Variants in ASCL5 observed in about 807,000 individuals in gnomAD.
ASCL5 encodes achaete-scute family bHLH transcription factor 5.
For missense variants in ASCL5, 262 were observed against 268.9 expected, an observed-to-expected ratio of 0.97 and a Z score of 0.18; for synonymous variants, 124 against 131.5, an observed-to-expected ratio of 0.94 and a Z score of 0.39.
At chr1:201,122,592 G>T (rs1663503786) in intron 1 of ASCL5, among the ~76,000 whole-genome samples, 1 of 152,166 alleles carries the variant, frequency 6.6e-6, no homozygotes, top group Admixed American at 6.5e-5. Flanking sequence ...GGGTCTCATT[G>T]GGTTGATATG....
At chr1:201,121,439 G>A (rs1663457585) in intron 1 of ASCL5, among the ~76,000 whole-genome samples, 1 of 152,134 alleles carries the variant, frequency 6.6e-6, no homozygotes, top group Admixed American at 6.5e-5. Flanking sequence ...TTCTAGTCTT[G>A]TTTAAGTCTT....
chr1:201,118,339 G>A (rs572240106), intron 1 of ASCL5, among the ~76,000 whole-genome samples: 379 of 152,192 alleles, frequency 2.5e-3, no homozygotes, highest in Non-Finnish European at 3.6e-3. Flanking sequence ...AAATTAGCAG[G>A]GTTTGGTGGC....
At chr1:201,123,957 T>C (rs752450930) in intron 1 of ASCL5, among the ~76,000 whole-genome samples, 61 of 152,274 alleles carry the variant, frequency 4.0e-4, no homozygotes, top group Non-Finnish European at 6.9e-4. Context: ...CTGGCCAAAA[T>C]TGTGACTAGG....
chr1:201,115,223 G>A lies in ASCL5; in HGVS notation c.150C>T (p.Gly50=). ...CGTCGTAGTAGGGCGGCTCTGCTGG[G>A]CCCGGGTACAGCAGGAAGGGCACGT... is the stretch of plus-strand genomic sequence containing the variant. The part of the protein sequence containing the change: ...LGNVPFLLYP[G]PAEPPYYDAY... Residue 50 remains glycine, a synonymous_variant, in exon 2 of 2, where the codon GGC becomes GGT. Transcript: ENST00000449188. The A allele has an allele frequency of 8.1e-7, 1 of 1,231,558 alleles. No individual in the cohort carries two copies. The highest frequency in any genetic ancestry group is 1.0e-6 in the Non-Finnish European group (1 of 987,894). The allele number at this position is 1,231,558 out of a possible 1,614,324, so 76.3% of individuals were successfully genotyped here.
intron 1 of ASCL5, among the ~76,000 whole-genome samples, chr1:201,118,613 A>G (rs557000827): frequency 1.3e-5 from 2 of 152,328 alleles, no homozygotes; most frequent in East Asian, 1.9e-4. Flanking sequence ...AGTGTAGCAT[A>G]TGACCATTAA....
chr1:201,121,752 G>T (rs551713175), intron 1 of ASCL5, among the ~76,000 whole-genome samples: 130 of 152,062 alleles, frequency 8.5e-4, no homozygotes, highest in African/African-American at 3.0e-3. Context: ...GATCAGTTGA[G>T]CTCAGGAGGT....
At chr1:201,117,922 C>T (rs1351808778) in intron 1 of ASCL5, among the ~76,000 whole-genome samples, 1 of 152,142 alleles carries the variant, frequency 6.6e-6, no homozygotes, top group Admixed American at 6.5e-5. Flanking sequence ...ATTTGGGATC[C>T]AGACTACACT....
Position 201,115,330 on chromosome 1 carries a change from G to C in ASCL5, c.43C>G (p.Leu15Val). Reference protein sequence around the residue: ...FCRALVDRRPLGPPSCMQLGV... With the variant: ...FCRALVDRRPVGPPSCMQLGV... ...AGCTGCATGCAGCTGGGGGGCCCCA[G>C]AGGCCTCCGGTCCACCAGAGCCCGG... The change falls in exon 2 of 2, where the codon CTG becomes GTG. Residue 15 changes from leucine to valine, a missense_variant. Transcript: ENST00000449188. 8.1e-7 allele frequency: 1 copy of C among 1,231,410 alleles called. No individual in the cohort carries two copies. Among genetic ancestry groups the C allele is most frequent in the Non-Finnish European group, 1.0e-6 (1 of 987,738 alleles). The allele number at this position is 1,231,410 out of a possible 1,614,324, so 76.3% of individuals were successfully genotyped here.
rs1302408207 is a variant in ASCL5 at position 201,114,559 on chromosome 1, C to T, written c.*193G>A. 3 of 435,022 alleles carry T rather than the reference C, an allele frequency of 6.9e-6. No homozygotes were observed. Among genetic ancestry groups the T allele is most frequent in the South Asian group, 1.3e-4 (1 of 7,944 alleles). 26.9% of individuals were successfully genotyped at this position (435,022 alleles called of 1,614,324 possible). On this transcript the variant is annotated 3_prime_UTR_variant, in exon 2 of 2. Coordinates refer to ENST00000449188, the MANE Select transcript of ASCL5 (RefSeq NM_001270601.2). Reference sequence around the variant, plus strand: ...GCTCCTAGGTCTCTATCGTGCCCATCGTACCCGCTGCCCTGCACTTCCGCC... The same window carrying T: ...GCTCCTAGGTCTCTATCGTGCCCATTGTACCCGCTGCCCTGCACTTCCGCC...
rs1313433376 is a variant in ASCL5, at chr1:201,115,163, G to A, written c.210C>T (p.Pro70=). ...YAGVFPYVPF[P]GAFGVYEYPF... The stretch of plus-strand genomic sequence containing the variant: ...GGTATTCGTAGACCCCGAAGGCGCC[G>A]GGGAAGGGCACGTAGGGGAACACCC... Residue 70 remains proline, a synonymous_variant, in exon 2 of 2, where the codon CCC becomes CCT. Coordinates refer to ENST00000449188, the MANE Select transcript of ASCL5 (RefSeq NM_001270601.2). The A allele has an allele frequency of 2.4e-6, 3 of 1,231,586 alleles. No individual in the cohort carries two copies. In the South Asian group the frequency reaches 1.2e-4, roughly 51 times the overall value. The allele number at this position is 1,231,586 out of a possible 1,614,324, so 76.3% of individuals were successfully genotyped here.
At chr1:201,118,876 G>T (rs1663399461) in intron 1 of ASCL5, among the ~76,000 whole-genome samples, 1 of 152,160 alleles carries the variant, frequency 6.6e-6, no homozygotes, top group Admixed American at 6.5e-5. Context: ...TGAGAAACTT[G>T]AGGCACATGA....
intron 1 of ASCL5, among the ~76,000 whole-genome samples, chr1:201,120,106 T>C (rs1196312569): frequency 2.0e-5 from 3 of 152,210 alleles, no homozygotes; most frequent in South Asian, 2.1e-4. Context: ...AGTTGTACCA[T>C]GTACAGTTAG....
Position 201,115,007 on chromosome 1 carries a change from C to T in ASCL5, c.366G>A (p.Val122=), listed in dbSNP as rs1558093918. 2 of 1,231,802 alleles carry T rather than the reference C, an allele frequency of 1.6e-6. No individual in the cohort carries two copies. Among genetic ancestry groups the T allele is most frequent in the Non-Finnish European group, 2.0e-6 (2 of 988,054 alleles). The allele number at this position is 1,231,802 out of a possible 1,614,324, so 76.3% of individuals were successfully genotyped here. The change falls in exon 2 of 2, where the codon GTG becomes GTA. Residue 122 remains valine (V), a synonymous_variant. Transcript: ENST00000449188. ...AGCGGATGGCGGCGCGCAGCGTCTC[C>T]ACCTTGCTGAGTCGCTTCTCAGCCA... ...GALAEKRLSK[V]ETLRAAIRYI...
rs1243109104 is a variant in ASCL5, at chr1:201,114,544, C to A, written c.*208G>T. The A allele has an allele frequency of 5.0e-6, 2 of 400,154 alleles. No homozygotes were observed. Among genetic ancestry groups the A allele is most frequent in the Non-Finnish European group, 8.5e-6 (2 of 234,824 alleles). 24.8% of individuals were successfully genotyped at this position (400,154 alleles called of 1,614,324 possible). A position where few individuals can be genotyped will look rare whatever the true frequency, so the allele number is the denominator to read the frequency against. On this transcript the variant is annotated 3_prime_UTR_variant, in exon 2 of 2. Coordinates refer to ENST00000449188, the MANE Select transcript of ASCL5 (RefSeq NM_001270601.2). Reference sequence around the variant, plus strand: ...CGCTTCACCCACGGAGCTCCTAGGTCTCTATCGTGCCCATCGTACCCGCTG... The same window carrying A: ...CGCTTCACCCACGGAGCTCCTAGGTATCTATCGTGCCCATCGTACCCGCTG...
intron 1 of ASCL5, among the ~76,000 whole-genome samples, chr1:201,123,138 A>T (rs2102202145): frequency 6.6e-6 from 1 of 152,300 alleles, no homozygotes; most frequent in African/African-American, 2.4e-5. Flanking sequence ...GTAGCTTCCC[A>T]CAGTCACATC....
In ASCL5 at chr1:201,114,798, C is replaced by T; in HGVS notation, c.575G>A (p.Cys192Tyr). The change falls in exon 2 of 2, where the codon TGC becomes TAC. Residue 192 changes from cysteine (C) to tyrosine (Y), a missense_variant. Transcript: ENST00000449188. Reference sequence around the variant, plus strand: ...CTCCAAGAAAGGCGACGGGGAGAAGCAGGAGGACTCGGATGACTCCGGCAC... The same window carrying T: ...CTCCAAGAAAGGCGACGGGGAGAAGTAGGAGGACTCGGATGACTCCGGCAC... ...SLVPESSESSCFSPSPFLESE... is the reference protein window; with the variant it reads ...SLVPESSESSYFSPSPFLESE... 1 of 1,231,098 alleles carries T rather than the reference C, an allele frequency of 8.1e-7. No homozygotes were observed. Among genetic ancestry groups the T allele is most frequent in the Non-Finnish European group, 1.0e-6 (1 of 987,580 alleles). 76.3% of individuals were successfully genotyped at this position (1,231,098 alleles called of 1,614,324 possible).
At chr1:201,118,079 T>C (rs1663379756) in intron 1 of ASCL5, among the ~76,000 whole-genome samples, 1 of 152,230 alleles carries the variant, frequency 6.6e-6, no homozygotes. Flanking sequence ...ATTTTCCTCA[T>C]ATACTATTTA....
In ASCL5 at chr1:201,114,736, G is replaced by A. The variant is rs1663296123; in HGVS notation, c.*16C>T. 3 of 1,230,872 alleles carry A rather than the reference G, an allele frequency of 2.4e-6. No individual in the cohort carries two copies. Among genetic ancestry groups the A allele is most frequent in the South Asian group, 4.1e-5 (1 of 24,316 alleles). 76.2% of individuals were successfully genotyped at this position (1,230,872 alleles called of 1,614,324 possible). ...CGGCGGATCATCCTCCAAGCCGGGG[G>A]CGGCCACAGGCCCGATCAATGCCAG... On this transcript the variant is annotated 3_prime_UTR_variant, in exon 2 of 2. Coordinates refer to ENST00000449188, the MANE Select transcript of ASCL5 (RefSeq NM_001270601.2).
intron 1 of ASCL5, among the ~76,000 whole-genome samples, chr1:201,120,959 G>T (rs1047371098): frequency 4.6e-5 from 7 of 152,210 alleles, no homozygotes; most frequent in South Asian, 2.1e-4. Flanking sequence ...TTGTAAGGAA[G>T]CCCCAAGGAC....
Sources: allele counts gnomAD v4.1 joint callset (sites outside exome capture counted in the v4.1 genomes callset), GRCh38; gene constraint gnomAD v4.1.1; transcripts MANE v1.5; gene names NCBI Gene and HGNC (gene_info 2026-07-23, HGNC 2026-07-21).